TMEM131: variants seen among roughly 807,000 people sequenced by gnomAD.
The protein encoded by TMEM131 is transmembrane protein 131, also known as 2610524E03Rik.
In TMEM131, 66 loss-of-function variants were observed where a neutral mutation model predicts 211.6. That is an observed-to-expected ratio of 0.31 (90% CI 0.26 to 0.38). The LOEUF (loss-of-function observed/expected upper bound fraction) is 0.38, where lower values mean the gene tolerates loss of function less well. Ranked by LOEUF, TMEM131 falls within the 10% of genes least tolerant of loss-of-function variation. The probability of loss-of-function intolerance (pLI) is 1.00; values close to 1 mark genes in which losing one functional copy is unlikely to be tolerated. For missense variants in TMEM131, 2,036 were observed against 2,299.3 expected (o/e 0.89, Z 2.34); for synonymous variants, 844 against 841.3 (o/e 1.00, Z -0.06).
Position 97,759,016 on chromosome 2 carries a change from A to G in TMEM131, c.5244T>C (p.Asn1748=), listed in dbSNP as rs768179315. The G allele has an allele frequency of 6.2e-7, 1 of 1,614,054 alleles. No homozygotes were observed. Among genetic ancestry groups the G allele is most frequent in the Non-Finnish European group, 8.5e-7 (1 of 1,179,896 alleles). ...FSKLGLSRSC[N]QASQRSWNEF... is the part of the protein sequence containing the mutation. ...CGTTCCAGCTCCTCTGTGAGGCCTG[A>G]TTGCACGATCGAGATAATCCGAGTT... The change falls in exon 40 of 41, where the codon AAT becomes AAC. Residue 1748 remains asparagine (N), a synonymous_variant. Coordinates refer to ENST00000186436, the MANE Select transcript of TMEM131 (RefSeq NM_015348.2).
chr2:97,890,249 C>T (rs936848984), intron 3 of TMEM131, among the ~76,000 whole-genome samples: 3 of 152,130 alleles, frequency 2.0e-5, no homozygotes, highest in South Asian at 2.1e-4. Flanking sequence ...TTGTGAAGTA[C>T]CAAGGAAGTT....
chr2:97,966,517 C>T (rs965338540), intron 1 of TMEM131, among the ~76,000 whole-genome samples: 2 of 152,112 alleles, frequency 1.3e-5, no homozygotes, highest in South Asian at 2.1e-4. Flanking sequence ...TAGGTTCCAA[C>T]GACCAATCCA....
At chr2:97,995,395 T>C in intron 1 of TMEM131, 81 bp downstream of exon 1, 2 of 1,254,150 alleles carry the variant, frequency 1.6e-6, no homozygotes, top group Non-Finnish European at 1.0e-6. Context: ...GCCGCGGCCC[T>C]TCCTCCCGGC....
At chr2:97,872,890 A>G (rs1674548261) in intron 4 of TMEM131, among the ~76,000 whole-genome samples, 1 of 152,208 alleles carries the variant, frequency 6.6e-6, no homozygotes, top group Non-Finnish European at 1.5e-5. Flanking sequence ...CCAGCAAGAC[A>G]GAACCATTCA....
At chr2:97,809,324 T>A (rs1681446625) in intron 19 of TMEM131, among the ~76,000 whole-genome samples, 3 of 152,228 alleles carry the variant, frequency 2.0e-5, no homozygotes, top group Admixed American at 1.3e-4. Context: ...GCCCTGGCCC[T>A]AGATTCACGT....
At chr2:97,990,202 T>C (rs1249829389) in intron 1 of TMEM131, among the ~76,000 whole-genome samples, 1 of 152,204 alleles carries the variant, frequency 6.6e-6, no homozygotes, top group Non-Finnish European at 1.5e-5. Context: ...TTCATTTCCC[T>C]GTATTATCCA....
chr2:97,958,315 G>A (rs188281374), intron 1 of TMEM131, among the ~76,000 whole-genome samples: 1 of 152,212 alleles, frequency 6.6e-6, no homozygotes, highest in East Asian at 1.9e-4. Flanking sequence ...GGACAGATCA[G>A]GTCTGCATCT....
At chr2:97,937,567 ATTTT>A (rs1276813741) in intron 1 of TMEM131, among the ~76,000 whole-genome samples, 1 of 152,148 alleles carries the variant, frequency 6.6e-6, no homozygotes, top group Non-Finnish European at 1.5e-5. Context: ...TAAAAAATAA[ATTTT>A]AAAAATTCAG....
At chr2:97,952,401 C>G (rs1225299205) in intron 1 of TMEM131, among the ~76,000 whole-genome samples, 1 of 152,082 alleles carries the variant, frequency 6.6e-6, no homozygotes, top group African/African-American at 2.4e-5. Context: ...AAATTCATAT[C>G]AAGACACATC....
chr2:97,990,323 A>T (rs1366446642), intron 1 of TMEM131, among the ~76,000 whole-genome samples: 1 of 152,218 alleles, frequency 6.6e-6, no homozygotes. Flanking sequence ...ATTGAAAAAA[A>T]AAAAAAGTAC....
intron 2 of TMEM131, among the ~76,000 whole-genome samples, chr2:97,923,627 TTAAAAAAAAAAA>T (rs1676842632): frequency 1.0e-5 from 1 of 99,684 alleles, no homozygotes; most frequent in Non-Finnish European, 1.9e-5. Context: ...GTCTTTTTTT[TTAAAAAAAAAAA>T]AAAAAAAAAA....
At position 97,794,005 on chromosome 2, in the gene TMEM131, AAAAAAAAAAAC is replaced by A. The variant is rs1245013115; in HGVS notation, c.3387-463_3387-453del. 6.0e-5 allele frequency among the ~76,000 whole-genome samples: 9 copies of A among 150,120 alleles called. No homozygotes were observed. In the East Asian group the frequency reaches 7.8e-4, roughly 13 times the overall value. On this transcript the variant is annotated intron_variant, in intron 29 of 40. Transcript: ENST00000186436. ...CGAGACTCTGTCTCAAAAAAAAAAA[AAAAAAAAAAAC>A]AAAAAACCCACAGTTTTATGGATAA... is the stretch of plus-strand genomic sequence containing the variant.
At chr2:97,984,027 G>A (rs1679918584) in intron 1 of TMEM131, among the ~76,000 whole-genome samples, 1 of 152,086 alleles carries the variant, frequency 6.6e-6, no homozygotes, top group South Asian at 2.1e-4. Flanking sequence ...TTTTTACTTG[G>A]GGCTAGCCAC....
chr2:97,983,157 G>C (rs1345126575), intron 1 of TMEM131, among the ~76,000 whole-genome samples: 1 of 152,014 alleles, frequency 6.6e-6, no homozygotes, highest in Non-Finnish European at 1.5e-5. Context: ...CCCCATGCTA[G>C]CCTTTCCTTA....
chr2:97,885,203 GA>G (rs1675097070), intron 4 of TMEM131, among the ~76,000 whole-genome samples: 1 of 152,112 alleles, frequency 6.6e-6, no homozygotes, highest in South Asian at 2.1e-4. Flanking sequence ...GTTTGTGAAA[GA>G]TTTTTTTTTT....
chr2:97,762,415 G>A (rs1678901234), intron 35 of TMEM131: 10 of 479,704 alleles, frequency 2.1e-5, no homozygotes, highest in Admixed American at 1.2e-4. Context: ...GAGCGTGCCC[G>A]GTCCCTGCTG....
At chr2:97,930,389 G>C (rs1443367531) in intron 1 of TMEM131, among the ~76,000 whole-genome samples, 2 of 151,534 alleles carry the variant, frequency 1.3e-5, no homozygotes, top group East Asian at 3.9e-4. Flanking sequence ...TTTTAAATCA[G>C]AAGCTTTAAA....
intron 12 of TMEM131, among the ~76,000 whole-genome samples, chr2:97,816,414 G>A (rs1041100520): frequency 3.3e-5 from 5 of 152,140 alleles, no homozygotes; most frequent in Non-Finnish European, 7.3e-5. Flanking sequence ...TCCAATCTAG[G>A]TACCCATTAG....
intron 1 of TMEM131, among the ~76,000 whole-genome samples, chr2:97,964,815 C>A (rs1272240013): frequency 2.0e-5 from 3 of 152,202 alleles, no homozygotes; most frequent in Non-Finnish European, 2.9e-5. Flanking sequence ...AGTTACCAAG[C>A]AGTAAATTAA....
Sources: gnomAD v4.1 joint callset for allele counts (sites outside exome capture counted in the v4.1 genomes callset) on GRCh38, gnomAD v4.1.1 for gene constraint, MANE v1.5 for transcripts, NCBI Gene and HGNC (gene_info 2026-07-23, HGNC 2026-07-21) for gene names.